The following COTL1 variants were observed in gnomAD, a reference collection of about 807,000 sequenced individuals.
COTL1 encodes coactosin like F-actin binding protein 1.
Under a neutral mutation model 16.5 loss-of-function variants are expected in COTL1, and 15 were observed. The observed-to-expected ratio is 0.91, with a 90% CI of 0.61 to 1.40. The LOEUF (loss-of-function observed/expected upper bound fraction) is 1.40, where lower values mean the gene tolerates loss of function less well. COTL1 is among the 40% of genes most tolerant of loss of function. The probability of loss-of-function intolerance (pLI) is 0.00; values close to 1 mark genes in which losing one functional copy is unlikely to be tolerated. For missense variants in COTL1, 220 were observed against 201.5 expected, an observed-to-expected ratio of 1.09 and a Z score of -0.56; for synonymous variants, 112 against 85.3, an observed-to-expected ratio of 1.31 and a Z score of -1.73.
At chr16:84,609,251 C>T (rs1465643354) in intron 2 of COTL1, among the ~76,000 whole-genome samples, 2 of 152,224 alleles carry the variant, frequency 1.3e-5, no homozygotes, top group Non-Finnish European at 2.9e-5. Flanking sequence ...AATTTGACTC[C>T]TTCGCATTCC....
At chr16:84,582,515 C>A (rs1000049611) in intron 3 of COTL1, among the ~76,000 whole-genome samples, 3 of 152,202 alleles carry the variant, frequency 2.0e-5, no homozygotes, top group African/African-American at 7.2e-5. Context: ...AGTACAATCA[C>A]AAAGCAGCCA....
intron 2 of COTL1, among the ~76,000 whole-genome samples, chr16:84,601,731 G>A (rs1216543482): frequency 6.6e-6 from 1 of 152,224 alleles, no homozygotes; most frequent in East Asian, 1.9e-4. Flanking sequence ...TGGGACTACA[G>A]GCATAAGCCA....
intron 2 of COTL1, among the ~76,000 whole-genome samples, chr16:84,611,816 C>T (rs1905333691): frequency 6.6e-6 from 1 of 152,152 alleles, no homozygotes; most frequent in Non-Finnish European, 1.5e-5. Flanking sequence ...GGTGCAGAAA[C>T]AAAATGTGAT....
chr16:84,601,491 T>A (rs1905104944), intron 2 of COTL1, among the ~76,000 whole-genome samples: 1 of 151,972 alleles, frequency 6.6e-6, no homozygotes, highest in South Asian at 2.1e-4. Flanking sequence ...GGAGTCTTGC[T>A]CTGTCACCCA....
At chr16:84,608,804 G>A (rs912330905) in intron 2 of COTL1, among the ~76,000 whole-genome samples, 5 of 152,152 alleles carry the variant, frequency 3.3e-5, no homozygotes, top group East Asian at 1.9e-4. Context: ...TACTGGAGAC[G>A]CTGAGGTAGG....
chr16:84,577,389 C>T (rs1174115246), intron 3 of COTL1, among the ~76,000 whole-genome samples: 1 of 152,190 alleles, frequency 6.6e-6, no homozygotes, highest in Non-Finnish European at 1.5e-5. Context: ...GGACTACAGG[C>T]ATGCGCCATC....
At chr16:84,593,572 C>T (rs1232213345) in intron 2 of COTL1, among the ~76,000 whole-genome samples, 1 of 151,012 alleles carries the variant, frequency 6.6e-6, no homozygotes, top group South Asian at 2.1e-4. Context: ...AGTGCAGTGG[C>T]GCGATCTCGG....
At position 84,572,685 on chromosome 16, in the gene COTL1, C is replaced by A. The variant is rs2099133; in HGVS notation, c.319-5730G>T. Among the ~76,000 whole-genome samples the A allele has an allele frequency of 2.7e-3, 413 of 152,266 alleles. 2 individuals are homozygous for A. The highest frequency in any genetic ancestry group is 0.01 in the Middle Eastern group (3 of 294). ...TCATGTTGCCCAGGCTGGTCTCCAA[C>A]TCCTGGGCTCAAGCGATCCACCCAT... On this transcript the variant is annotated intron_variant, in intron 3 of 3. Transcript: ENST00000262428.
chr16:84,588,169 C>A (rs948233182), intron 3 of COTL1, among the ~76,000 whole-genome samples: 1 of 151,936 alleles, frequency 6.6e-6, no homozygotes, highest in African/African-American at 2.4e-5. Context: ...ATGCTTGAGT[C>A]CAGGAATTCG....
Position 84,590,124 on chromosome 16 carries a change from A to G in COTL1, c.299T>C (p.Leu100Pro). The change falls in exon 3 of 4, where the codon CTG (leucine) becomes CCG (proline). Residue 100 changes from leucine to proline, a missense_variant. Coordinates refer to ENST00000262428, the MANE Select transcript of COTL1 (RefSeq NM_021149.5). This position sits in a 1 kb window ranked among gnomAD's most constrained non-coding sequence, Gnocchi z 5.5. ...QRAKTGTDKT[L>P]VKEVVQNFAK... is the part of the protein sequence containing the mutation. The stretch of plus-strand genomic sequence containing the variant: ...CAGTACCTGTACGACCTCCTTCACC[A>G]GGGTCTTGTCCGTCCCGGTTTTGGC... The G allele has an allele frequency of 6.2e-7, 1 of 1,613,790 alleles. No individual in the cohort carries two copies. The highest frequency in any genetic ancestry group is 8.5e-7 in the Non-Finnish European group (1 of 1,179,748).
At chr16:84,591,827 T>TAAAATAAA (rs1247808664) in intron 2 of COTL1, among the ~76,000 whole-genome samples, 1 of 85,290 alleles carries the variant, frequency 1.2e-5, no homozygotes, top group Non-Finnish European at 2.2e-5. Flanking sequence ...CTGTCTCAAA[T>TAAAATAAA]AAAATAAAAT....
At chr16:84,607,799 C>A (rs935565232) in intron 2 of COTL1, among the ~76,000 whole-genome samples, 24 of 152,116 alleles carry the variant, frequency 1.6e-4, no homozygotes, top group Non-Finnish European at 8.8e-5. Flanking sequence ...GGAAAGGACT[C>A]AACTCAGTAC....
intron 1 of COTL1, 78 bp downstream of exon 1, chr16:84,617,760 G>T (rs928185653): frequency 4.3e-5 from 62 of 1,455,340 alleles, no homozygotes; most frequent in Non-Finnish European, 5.1e-5. Context: ...AATCCGTCCC[G>T]CCTGGAGGCC....
At chr16:84,568,844 A>G (rs8050366) in intron 3 of COTL1, 31,559 of 152,154 alleles carry the variant, frequency 0.21, 3,844 homozygotes, top group Non-Finnish European at 0.28. Flanking sequence ...AGGTGAGGAA[A>G]CAAAGGCTGG....
intron 2 of COTL1, among the ~76,000 whole-genome samples, chr16:84,614,371 G>T (rs1056388241): frequency 6.6e-6 from 1 of 152,054 alleles, no homozygotes; most frequent in African/African-American, 2.4e-5. Context: ...AACTGGCCTG[G>T]CAGCACAGAC....
chr16:84,584,142 G>C (rs1904665228), intron 3 of COTL1, among the ~76,000 whole-genome samples: 1 of 152,200 alleles, frequency 6.6e-6, no homozygotes, highest in Non-Finnish European at 1.5e-5. Context: ...GCACCAGCCG[G>C]GTACTTCTGT....
intron 3 of COTL1, among the ~76,000 whole-genome samples, chr16:84,586,691 C>G (rs2150686264): frequency 6.6e-6 from 1 of 152,256 alleles, no homozygotes; most frequent in East Asian, 1.9e-4. Flanking sequence ...TCAAGCAATT[C>G]TCCTGCCTCA....
chr16:84,578,851 GCA>G lies in COTL1; in HGVS notation c.318+11252_318+11253del, dbSNP rs1165553365. Among the ~76,000 whole-genome samples, 59 of 151,490 alleles carry G rather than the reference GCA, an allele frequency of 3.9e-4. 1 individual carries two copies. The highest frequency in any genetic ancestry group is 1.4e-3 in the African/African-American group (57 of 41,202). ...CACAGGTGCATAGAAACACAGGTAT[GCA>G]CACACACATACACATGCAGGCATGC... is the stretch of plus-strand genomic sequence containing the variant. On this transcript the variant is annotated intron_variant, in intron 3 of 3. Transcript: ENST00000262428.
chr16:84,574,815 A>G (rs1904415389), intron 3 of COTL1, among the ~76,000 whole-genome samples: 1 of 151,144 alleles, frequency 6.6e-6, no homozygotes, highest in African/African-American at 2.4e-5. Context: ...AATGAAGACA[A>G]GTTTTGTCCC....
Sources: gnomAD v4.1 joint callset for allele counts (sites outside exome capture counted in the v4.1 genomes callset) on GRCh38, gnomAD v4.1.1 for gene constraint, Gnocchi (gnomAD v3.1) non-coding constraint, MANE v1.5 for transcripts, NCBI Gene and HGNC (gene_info 2026-07-23, HGNC 2026-07-21) for gene names.